Variants in SBNO1 observed in about 807,000 individuals in gnomAD.
SBNO1 encodes the protein protein strawberry notch homolog 1.
A neutral mutation model predicts 173.6 loss-of-function variants in SBNO1; 23 were observed. The observed-to-expected ratio is 0.13, with a 90% confidence interval of 0.10 to 0.19. The LOEUF (loss-of-function observed/expected upper bound fraction) is 0.19. Among genes scored for constraint, SBNO1 ranks in the 10% least tolerant of loss-of-function variants. SBNO1 has a pLI of 1.00. For synonymous variants in SBNO1, 632 were observed against 571.5 expected, an observed-to-expected ratio of 1.11 and a Z score of -1.51; for missense variants, 1,238 against 1,671.2, an observed-to-expected ratio of 0.74 and a Z score of 4.52.
rs1870615067 is a variant in SBNO1, at chr12:123,326,413, T to C, written c.1693-79A>G. The C allele has an allele frequency of 5.6e-6, 5 of 891,038 alleles. No homozygotes were observed. In the South Asian group the frequency reaches 7.1e-5, roughly 13 times the overall value. The allele number at this position is 891,038 out of a possible 1,614,324, so 55.2% of individuals were successfully genotyped here. A position where few individuals can be genotyped will look rare whatever the true frequency, so the allele number is the denominator to read the frequency against. The stretch of plus-strand genomic sequence containing the variant: ...AAAAATACCAATTAAATCAAAACAA[T>C]GTTAAGTGCAAGACCATTTAATATT... On this transcript the variant is annotated intron_variant, in intron 13 of 31. Coordinates refer to ENST00000602398, the MANE Select transcript of SBNO1 (RefSeq NM_001167856.3).
At chr12:123,334,420 A>G (rs1871588503) in intron 6 of SBNO1, among the ~76,000 whole-genome samples, 1 of 152,174 alleles carries the variant, frequency 6.6e-6, no homozygotes, top group African/African-American at 2.4e-5. Context: ...GTTAAAACAG[A>G]GATTTGGGCC....
intron 25 of SBNO1, among the ~76,000 whole-genome samples, chr12:123,310,672 C>T (rs2049030487): frequency 6.6e-6 from 1 of 151,668 alleles, no homozygotes; most frequent in Non-Finnish European, 1.5e-5. Context: ...GTAGCTGGGA[C>T]TACAGGCACC....
intron 1 of SBNO1, chr12:123,364,026 G>A (rs2139126186): frequency 4.1e-6 from 4 of 985,504 alleles, no homozygotes; most frequent in Non-Finnish European, 4.8e-6. Flanking sequence ...ATCCCCAACT[G>A]CCGTTCCCCT....
At chr12:123,327,389 A>G (rs369015274) in intron 13 of SBNO1, 37 bp downstream of exon 13, 7 of 1,562,248 alleles carry the variant, frequency 4.5e-6, no homozygotes, top group East Asian at 4.5e-5. Flanking sequence ...TATCAGATAC[A>G]TTAAATAAAC....
rs530652929 is a variant in SBNO1, at chr12:123,302,113, T to C, written c.3845+711A>G. On this transcript the variant is annotated intron_variant, in intron 30 of 31. Coordinates refer to ENST00000602398, the MANE Select transcript of SBNO1 (RefSeq NM_001167856.3). Reference sequence around the variant, plus strand: ...CCACCACACCCAGCTAATTTTTTTTTTAGTAGAGAGGGTTTCTCCATGTTG... The same window carrying C: ...CCACCACACCCAGCTAATTTTTTTTCTAGTAGAGAGGGTTTCTCCATGTTG... 9.2e-5 allele frequency among the ~76,000 whole-genome samples: 14 copies of C among 151,700 alleles called. No homozygotes were observed. In the South Asian group the frequency reaches 2.5e-3, roughly 27 times the overall value.
In SBNO1 at chr12:123,296,014, A is replaced by C. The variant is rs1309216684; in HGVS notation, c.4076T>G (p.Val1359Gly). The C allele has an allele frequency of 1.2e-6, 2 of 1,613,924 alleles. No individual in the cohort carries two copies. The highest frequency in any genetic ancestry group is 1.7e-6 in the Non-Finnish European group (2 of 1,179,822). The change falls in exon 32 of 32, where the codon GTA becomes GGA. Residue 1359 changes from valine to glycine, a missense_variant. This residue lies in a region of SBNO1 where 351 missense variants were observed against 420.3 expected (regional missense o/e 0.84). Coordinates refer to ENST00000602398, the MANE Select transcript of SBNO1 (RefSeq NM_001167856.3). ...IIPANCVSPL[V>G]NLLSTSDQSQ... Reference sequence around the variant, plus strand: ...CTGGTCTGAAGTTGATAGGAGATTTACAAGAGGAGACACACAATTTGCCGG... The same window carrying C: ...CTGGTCTGAAGTTGATAGGAGATTTCCAAGAGGAGACACACAATTTGCCGG...
Position 123,293,265 on chromosome 12 carries a change from T to A in SBNO1, c.*2643A>T, listed in dbSNP as rs536665467. 1 of 152,204 alleles carries A rather than the reference T, an allele frequency of 6.6e-6. No individual in the cohort carries two copies. The highest frequency in any genetic ancestry group is 1.5e-5 in the Non-Finnish European group (1 of 68,050). The allele number at this position is 152,204 out of a possible 1,614,324, so 9.4% of individuals were successfully genotyped here. ...TTTTGGTACAGATGGGGTTTTGCCA[T>A]GTGGACCAGGCTGGTCTCGAACTCC... On this transcript the variant is annotated 3_prime_UTR_variant, in exon 32 of 32. Transcript: ENST00000602398.
intron 4 of SBNO1, among the ~76,000 whole-genome samples, chr12:123,342,387 C>G (rs1872670595): frequency 1.3e-5 from 2 of 151,780 alleles, no homozygotes; most frequent in Admixed American, 1.3e-4. Flanking sequence ...GGAGGCAGAG[C>G]CTGCAATGAG....
At position 123,327,594 on chromosome 12, in the gene SBNO1, A is replaced by T; in HGVS notation, c.1539-15T>A. On this transcript the variant is annotated splice_polypyrimidine_tract_variant and intron_variant, in intron 12 of 31. Coordinates refer to ENST00000602398, the MANE Select transcript of SBNO1 (RefSeq NM_001167856.3). ...CACCAACTCCTCTGAATAAAATTAA[A>T]ACATACAGTAATTACCAATACAGTA... 6.2e-7 allele frequency: 1 copy of T among 1,610,838 alleles called. No homozygotes were observed. Among genetic ancestry groups the T allele is most frequent in the Non-Finnish European group, 8.5e-7 (1 of 1,177,716 alleles).
chr12:123,327,946 A>C lies in SBNO1; in HGVS notation c.1378T>G (p.Leu460Val). The C allele has an allele frequency of 6.2e-7, 1 of 1,613,520 alleles. No homozygotes were observed. Among genetic ancestry groups the C allele is most frequent in the South Asian group, 1.1e-5 (1 of 90,978 alleles). The change falls in exon 11 of 32, where the codon TTA (leucine) becomes GTA (valine). Residue 460 changes from leucine (L) to valine (V), a missense_variant. Physicochemically the swap from Leu to Val is conservative, Grantham distance 32. Around this residue, in one of 14 missense-constraint regions of SBNO1, gnomAD observed 182 missense variants for 339.9 expected, o/e 0.54. Transcript: ENST00000602398. Reference sequence around the variant, plus strand: ...TTTGGCAATTTGTTCTGAAGCTCTAAAACTGCTAAGCCTGTCTTGGTTGGC... The same window carrying C: ...TTTGGCAATTTGTTCTGAAGCTCTACAACTGCTAAGCCTGTCTTGGTTGGC... ...SKPTKTGLAV[L>V]ELQNKLPKAR... is the part of the protein sequence containing the mutation.
rs558276751 is a variant in SBNO1 at position 123,358,586 on chromosome 12, G to A, written c.-1+6115C>T. On this transcript the variant is annotated intron_variant, in intron 1 of 31. Transcript: ENST00000602398. ...GAAACCCCGTCTCTACTAAAAATAC[G>A]AAAAAAATTAGCCGGGCGCGGTGGC... Among the ~76,000 whole-genome samples, 11 of 151,312 alleles carry A rather than the reference G, an allele frequency of 7.3e-5. 1 individual carries two copies. In the South Asian group the frequency reaches 1.0e-3, roughly 14 times the overall value.
At chr12:123,315,208 G>A (rs897826894) in intron 23 of SBNO1, among the ~76,000 whole-genome samples, 165 bp downstream of exon 23, 3 of 152,148 alleles carry the variant, frequency 2.0e-5, no homozygotes, top group African/African-American at 7.2e-5. Context: ...CTTAACATGC[G>A]ATCTAACATA....
chr12:123,321,731 A>G lies in SBNO1; in HGVS notation c.2127T>C (p.Gly709=), dbSNP rs1593359502. Residue 709 remains glycine, a splice_region_variant and synonymous_variant, in exon 17 of 32, where the codon GGT becomes GGC. Coordinates refer to ENST00000602398, the MANE Select transcript of SBNO1 (RefSeq NM_001167856.3). ...CKENKIKKRK[G]EEITREAKKA... ...TTTTGGCTTCTCGAGTTATTTCTTCACCTACCCTCCGCCACAAACAAGAGA... is the reference window on the plus strand; with the variant it reads ...TTTTGGCTTCTCGAGTTATTTCTTCGCCTACCCTCCGCCACAAACAAGAGA... The G allele has an allele frequency of 1.9e-6, 3 of 1,613,696 alleles. No homozygotes were observed. Among genetic ancestry groups the G allele is most frequent in the Middle Eastern group, 3.3e-4 (2 of 6,062 alleles).
chr12:123,352,715 G>T (rs953977428), intron 1 of SBNO1, among the ~76,000 whole-genome samples: 1 of 152,224 alleles, frequency 6.6e-6, no homozygotes, highest in Non-Finnish European at 1.5e-5. Flanking sequence ...ATGGAAACAT[G>T]AGTGAGTCTA....
intron 21 of SBNO1, 133 bp from the exon 22 acceptor site, chr12:123,315,793 A>G: frequency 1.7e-6 from 1 of 605,056 alleles, no homozygotes; most frequent in Non-Finnish European, 2.9e-6. Context: ...CAGATAATGT[A>G]AAATTACCAT....
At chr12:123,328,081 AGT>A in intron 10 of SBNO1, 54 bp from the exon 11 acceptor site, 7 of 1,428,256 alleles carry the variant, frequency 4.9e-6, no homozygotes, top group Non-Finnish European at 4.8e-6. Flanking sequence ...AAGAATCTCC[AGT>A]CTTTCAAGAA....
At chr12:123,342,591 T>TTCC (rs1872693665) in intron 4 of SBNO1, among the ~76,000 whole-genome samples, 1 of 152,254 alleles carries the variant, frequency 6.6e-6, no homozygotes, top group African/African-American at 2.4e-5. Flanking sequence ...AACTCCTTAC[T>TTCC]TCCTCCTGCT....
intron 24 of SBNO1, among the ~76,000 whole-genome samples, chr12:123,313,311 T>G (rs1238478548): frequency 2.0e-5 from 3 of 151,048 alleles, no homozygotes; most frequent in Non-Finnish European, 3.0e-5. Flanking sequence ...AATAAATAAT[T>G]TTTAAAAAAG....
At chr12:123,353,686 C>A (rs914384126) in intron 1 of SBNO1, among the ~76,000 whole-genome samples, 2 of 152,072 alleles carry the variant, frequency 1.3e-5, no homozygotes, top group African/African-American at 2.4e-5. Flanking sequence ...CTGCATAATA[C>A]GAACAAGTAC....
Sources: gnomAD v4.1 joint callset for allele counts (sites outside exome capture counted in the v4.1 genomes callset) on GRCh38, gnomAD v4.1.1 for gene constraint, gnomAD v4.1.1 regional missense constraint, MANE v1.5 for transcripts, NCBI Gene and HGNC (gene_info 2026-07-23, HGNC 2026-07-21) for gene names.